Variants in NTRK2 observed in about 807,000 individuals in gnomAD.
NTRK2 encodes BDNF/NT-3 growth factors receptor.
NTRK2 carries 13 observed loss-of-function variants against 94.5 expected under a neutral mutation model. The observed-to-expected ratio is 0.14, with a 90% CI of 0.09 to 0.22. NTRK2 has a LOEUF of 0.22. NTRK2 is among the 10% of genes least tolerant of loss of function. The pLI is 1.00. For synonymous variants in NTRK2, 372 were observed against 407.4 expected, an observed-to-expected ratio of 0.91 and a Z score of 1.05; for missense variants, 639 against 1,071.2, an observed-to-expected ratio of 0.60 and a Z score of 5.63.
intron 12 of NTRK2, chr9:84,813,373 C>G: frequency 9.5e-7 from 1 of 1,051,014 alleles, no homozygotes; most frequent in Non-Finnish European, 1.2e-6. Flanking sequence ...AAAGTTGGCT[C>G]AATTATTTTT....
chr9:84,835,877 T>A (rs183299237), intron 12 of NTRK2, among the ~76,000 whole-genome samples: 4 of 152,262 alleles, frequency 2.6e-5, no homozygotes, highest in African/African-American at 9.6e-5. Context: ...TGCCAGCAAA[T>A]CCTAATCTAA....
At chr9:84,821,392 A>C (rs1366737507) in intron 12 of NTRK2, among the ~76,000 whole-genome samples, 1 of 152,068 alleles carries the variant, frequency 6.6e-6, no homozygotes, top group Non-Finnish European at 1.5e-5. Flanking sequence ...TATTTGATCA[A>C]ATGGGAATGT....
chr9:84,758,779 G>A (rs994625666), intron 12 of NTRK2, among the ~76,000 whole-genome samples: 2 of 152,162 alleles, frequency 1.3e-5, no homozygotes, highest in Non-Finnish European at 2.9e-5. Flanking sequence ...ATAAATTCTA[G>A]TGTGACATTT....
chr9:84,908,538 A>C (rs922171212), intron 14 of NTRK2, among the ~76,000 whole-genome samples: 1 of 152,204 alleles, frequency 6.6e-6, no homozygotes, highest in African/African-American at 2.4e-5. Context: ...TATTTCTCTC[A>C]TTTGCAGCAA....
At chr9:84,984,588 G>C (rs998156847) in intron 17 of NTRK2, among the ~76,000 whole-genome samples, 1 of 152,182 alleles carries the variant, frequency 6.6e-6, no homozygotes, top group Non-Finnish European at 1.5e-5. Flanking sequence ...CAAGTCTCTC[G>C]AATCCTCAGA....
chr9:84,903,582 A>C (rs2076993581), intron 14 of NTRK2, among the ~76,000 whole-genome samples: 1 of 152,172 alleles, frequency 6.6e-6, no homozygotes, highest in African/African-American at 2.4e-5. Flanking sequence ...GCCAGATAGG[A>C]GAGGTAGTGT....
chr9:84,744,810 T>C (rs964423345), intron 10 of NTRK2, among the ~76,000 whole-genome samples, 163 bp from the exon 11 acceptor site: 24 of 152,148 alleles, frequency 1.6e-4, no homozygotes, highest in African/African-American at 5.8e-4. Context: ...TGCAGTGCAT[T>C]GAACTCAGCA....
intron 12 of NTRK2, among the ~76,000 whole-genome samples, chr9:84,757,200 C>T (rs1215449738): frequency 1.3e-5 from 2 of 152,042 alleles, no homozygotes; most frequent in Non-Finnish European, 2.9e-5. Context: ...AGAATGGTAA[C>T]AATTGAATGC....
At chr9:84,949,699 C>T (rs548059158) in intron 16 of NTRK2, among the ~76,000 whole-genome samples, 12 of 152,238 alleles carry the variant, frequency 7.9e-5, no homozygotes, top group East Asian at 3.9e-4. Flanking sequence ...CTCCTGACCT[C>T]GAGTGATCTG....
chr9:84,676,738 A>G (rs56165347), intron 2 of NTRK2, among the ~76,000 whole-genome samples: 9,127 of 152,160 alleles, frequency 0.06, 452 homozygotes, highest in African/African-American at 0.13. Context: ...TCATCATTTT[A>G]TTAGGTTGGT....
intron 12 of NTRK2, among the ~76,000 whole-genome samples, chr9:84,803,558 C>T (rs551675164): frequency 1.3e-5 from 2 of 152,234 alleles, no homozygotes; most frequent in East Asian, 3.9e-4. Context: ...GGATACCCTC[C>T]GTGGGTCTGG....
intron 16 of NTRK2, among the ~76,000 whole-genome samples, chr9:84,950,633 A>C (rs1252432311): frequency 6.6e-6 from 1 of 151,818 alleles, no homozygotes; most frequent in Non-Finnish European, 1.5e-5. Flanking sequence ...TTTTGGAAAG[A>C]TTAGCAAATG....
intron 14 of NTRK2, among the ~76,000 whole-genome samples, chr9:84,898,408 A>G (rs549748092): frequency 6.6e-6 from 1 of 152,240 alleles, no homozygotes; most frequent in South Asian, 2.1e-4. Flanking sequence ...TACTATGTAC[A>G]TACTCAGACT....
intron 12 of NTRK2, among the ~76,000 whole-genome samples, chr9:84,773,182 A>G (rs1207099842): frequency 6.6e-6 from 1 of 152,182 alleles, no homozygotes; most frequent in Non-Finnish European, 1.5e-5. Context: ...CATTGTTTTA[A>G]TGGACTGTAA....
intron 8 of NTRK2, among the ~76,000 whole-genome samples, chr9:84,726,558 G>A (rs1011960736): frequency 3.3e-5 from 5 of 152,160 alleles, no homozygotes; most frequent in Non-Finnish European, 7.4e-5. Flanking sequence ...CAGAGGGTTT[G>A]TCTGTTCCCT....
chr9:84,730,766 G>T (rs374130793), intron 9 of NTRK2, among the ~76,000 whole-genome samples: 4 of 7,900 alleles, frequency 5.1e-4, no homozygotes, highest in Non-Finnish European at 6.4e-4. Context: ...AAAAACTAAA[G>T]AAAAATAAAC....
chr9:84,889,273 A>T (rs1256754836), intron 14 of NTRK2, among the ~76,000 whole-genome samples: 1 of 150,468 alleles, frequency 6.6e-6, no homozygotes, highest in African/African-American at 2.4e-5. Context: ...TACAGGCGTG[A>T]GCCACCGCGC....
chr9:84,808,576 C>G (rs2071394255), intron 12 of NTRK2, among the ~76,000 whole-genome samples: 1 of 152,208 alleles, frequency 6.6e-6, no homozygotes, highest in Non-Finnish European at 1.5e-5. Context: ...ATTTGGCATG[C>G]TCATTTTACA....
At chr9:84,766,938 A>G (rs532919151) in intron 12 of NTRK2, among the ~76,000 whole-genome samples, 1 of 152,268 alleles carries the variant, frequency 6.6e-6, no homozygotes, top group African/African-American at 2.4e-5. Context: ...TCATCCCAGA[A>G]TGATGGCTTG....
Sources: gnomAD v4.1 joint callset for allele counts (sites outside exome capture counted in the v4.1 genomes callset) on GRCh38, gnomAD v4.1.1 for gene constraint, MANE v1.5 for transcripts, NCBI Gene and HGNC (gene_info 2026-07-23, HGNC 2026-07-21) for gene names.